The following SLC12A7 variants were observed in gnomAD, a reference collection of about 807,000 sequenced individuals.
SLC12A7 encodes solute carrier family 12 member 7.
Under a neutral mutation model 120.6 loss-of-function variants are expected in SLC12A7, and 100 were observed. The ratio of observed to expected loss-of-function variants is 0.83; its 90% confidence interval spans 0.71 to 0.98. The LOEUF is 0.98. Among genes scored for constraint, SLC12A7 ranks in the 50% least tolerant of loss-of-function variants. The probability of loss-of-function intolerance (pLI) is 0.00; values close to 1 mark genes in which losing one functional copy is unlikely to be tolerated. For synonymous variants in SLC12A7, 760 were observed against 678.0 expected (o/e 1.12, Z -1.88); for missense variants, 1,373 against 1,548.1 (o/e 0.89, Z 1.90).
chr5:1,130,221 C>T, the SLC12A7 span, among the ~76,000 whole-genome samples: 5 of 152,150 alleles, frequency 3.3e-5, no homozygotes, highest in East Asian at 1.9e-4. Context: ...TTCCAGAAGC[C>T]GCACCACTCG....
At chr5:1,096,730 AG>A (rs1362380741) in intron 1 of SLC12A7, among the ~76,000 whole-genome samples, 1 of 18,184 alleles carries the variant, frequency 5.5e-5, no homozygotes, top group Non-Finnish European at 1.0e-4. Context: ...GAAAGGAGGG[AG>A]GGGGGAAGGG....
intron 10 of SLC12A7, 65 bp from the exon 11 acceptor site, chr5:1,078,823 T>TG: frequency 2.8e-5 from 1 of 36,012 alleles, no homozygotes; most frequent in Non-Finnish European, 4.8e-5. Context: ...GGGGGTGGGG[T>TG]GGGGTGGGGT....
upstream of SLC12A7, among the ~76,000 whole-genome samples, chr5:1,116,992 C>G (rs1055957626): frequency 6.6e-6 from 1 of 152,202 alleles, no homozygotes; most frequent in Non-Finnish European, 1.5e-5. Context: ...TCTCAGACGT[C>G]ATAAAGAGCT....
chr5:1,056,826 C>T (rs1390619830), intron 22 of SLC12A7, among the ~76,000 whole-genome samples: 1 of 152,208 alleles, frequency 6.6e-6, no homozygotes, highest in African/African-American at 2.4e-5. Context: ...AGAACCAAAC[C>T]CACACCCGCA....
chr5:1,084,232 G>GCCGT (rs1309192889), intron 7 of SLC12A7, among the ~76,000 whole-genome samples: 1 of 152,218 alleles, frequency 6.6e-6, no homozygotes, highest in East Asian at 1.9e-4. Flanking sequence ...GTACTGTACA[G>GCCGT]CCGTCCCCTC....
At chr5:1,128,724 T>G in the SLC12A7 span, among the ~76,000 whole-genome samples, 2 of 152,192 alleles carry the variant, frequency 1.3e-5, no homozygotes, top group Non-Finnish European at 2.9e-5. Context: ...TGCACGTGTG[T>G]GCATGTATGT....
the SLC12A7 span, among the ~76,000 whole-genome samples, chr5:1,147,591 G>A: frequency 2.0e-5 from 3 of 152,094 alleles, no homozygotes; most frequent in South Asian, 4.2e-4. Context: ...AAGCCTTCAC[G>A]TCTTCAGCTT....
chr5:1,149,013 C>G, the SLC12A7 span, among the ~76,000 whole-genome samples: 1 of 151,756 alleles, frequency 6.6e-6, no homozygotes, highest in Non-Finnish European at 1.5e-5. Flanking sequence ...TTCATCCACC[C>G]ACGGACAACT....
chr5:1,122,668 G>T, the SLC12A7 span, among the ~76,000 whole-genome samples: 2 of 152,184 alleles, frequency 1.3e-5, no homozygotes, highest in African/African-American at 2.4e-5. Flanking sequence ...GGGAACTCCA[G>T]GGACCTCCCA....
rs377713241 is a variant in SLC12A7, at chr5:1,057,654, C to T, written c.2848-5G>A. ...CCTGTCGTGGATCAGCTGGGCCTGG[C>T]GGGCCCGGGACTTGGTGAGACCAGC... On this transcript the variant is annotated splice_region_variant and splice_polypyrimidine_tract_variant and intron_variant, in intron 21 of 23. Coordinates refer to ENST00000264930, the MANE Select transcript of SLC12A7 (RefSeq NM_006598.3). 1.6e-5 allele frequency: 25 copies of T among 1,592,002 alleles called. No homozygotes were observed. Among genetic ancestry groups the T allele is most frequent in the East Asian group, 1.1e-4 (5 of 44,780 alleles).
chr5:1,153,047 T>G, the SLC12A7 span, among the ~76,000 whole-genome samples: 11 of 152,252 alleles, frequency 7.2e-5, no homozygotes, highest in African/African-American at 2.4e-4. Context: ...TCTGTTCATA[T>G]GTAGCGGGCA....
the SLC12A7 span, among the ~76,000 whole-genome samples, chr5:1,143,797 C>A: frequency 0.12 from 17,751 of 151,432 alleles, 1,412 homozygotes; most frequent in Non-Finnish European, 0.16. Context: ...CGTGGCTGCA[C>A]CGGGGCCAGC....
intron 3 of SLC12A7, among the ~76,000 whole-genome samples, chr5:1,090,389 G>C (rs943526964): frequency 6.6e-6 from 1 of 152,212 alleles, no homozygotes; most frequent in Admixed American, 6.5e-5. Flanking sequence ...CCCTAGGTGG[G>C]AAGCAACAGG....
intron 17 of SLC12A7, among the ~76,000 whole-genome samples, chr5:1,067,396 G>A (rs564272764): frequency 2.0e-5 from 3 of 152,342 alleles, no homozygotes; most frequent in Admixed American, 6.5e-5. Flanking sequence ...GTGGGAAGAA[G>A]GCAGGAAGTG....
At chr5:1,152,617 C>CAAGCTAGAGAAGGGAGACCCCA in the SLC12A7 span, among the ~76,000 whole-genome samples, 1 of 152,126 alleles carries the variant, frequency 6.6e-6, no homozygotes, top group Non-Finnish European at 1.5e-5. Context: ...GGGAGACCCC[C>CAAGCTAGAGAAGGGAGACCCCA]AAGCTAGAGA....
chr5:1,109,495 G>C (rs1000493961), intron 1 of SLC12A7, among the ~76,000 whole-genome samples: 1 of 152,226 alleles, frequency 6.6e-6, no homozygotes, highest in Non-Finnish European at 1.5e-5. Flanking sequence ...GAAGTGCTGA[G>C]GGCACAGTGC....
intron 21 of SLC12A7, 114 bp from the exon 22 acceptor site, chr5:1,057,763 T>A: frequency 9.5e-7 from 1 of 1,050,756 alleles, no homozygotes; most frequent in Non-Finnish European, 1.4e-6. Flanking sequence ...AAGGGCCCTG[T>A]GTGCCTGACC....
chr5:1,068,535 C>A (rs1737294794), intron 17 of SLC12A7, among the ~76,000 whole-genome samples: 4 of 152,278 alleles, frequency 2.6e-5, no homozygotes, highest in African/African-American at 7.2e-5. Context: ...ATACGGCTCC[C>A]CAGGGCAGTG....
chr5:1,107,346 C>G (rs1298686883), intron 1 of SLC12A7, among the ~76,000 whole-genome samples: 1 of 152,222 alleles, frequency 6.6e-6, no homozygotes, highest in Admixed American at 6.5e-5. Context: ...CATGCAGGAG[C>G]CTGGGCCATC....
Sources: allele counts gnomAD v4.1 joint callset (sites outside exome capture counted in the v4.1 genomes callset), GRCh38; gene constraint gnomAD v4.1.1; transcripts MANE v1.5; gene names NCBI Gene and HGNC (gene_info 2026-07-23, HGNC 2026-07-21).